The following FLNA variants were observed in gnomAD, a reference collection of about 807,000 sequenced individuals.
FLNA encodes filamin-A.
FLNA carries 7 observed loss-of-function variants against 157.6 expected under a neutral mutation model. The ratio of observed to expected loss-of-function variants is 0.04; its 90% CI spans 0.03 to 0.08. The LOEUF is 0.08. Among genes scored for constraint, FLNA ranks in the 10% least tolerant of loss-of-function variants. The probability of loss-of-function intolerance (pLI) is 1.00; values close to 1 mark genes in which losing one functional copy is unlikely to be tolerated. For missense variants in FLNA, 1,750 were observed against 2,398.4 expected (o/e 0.73, Z 5.65); for synonymous variants, 1,103 against 1,060.8 (o/e 1.04, Z -0.77).
At position 154,350,041 on chromosome X, in the gene FLNA, G is replaced by T; in HGVS notation, c.7323C>A (p.Gly2441=). ...CACCGACAGACTTACCTGTGACACC[G>T]CCTTCCAGACCTGCTCCGTAAGCAG... ...LVSAYGAGLE[G]GVTGNPAEFV... is the part of the protein sequence containing the mutation. Residue 2441 remains glycine, a synonymous_variant, in exon 45 of 48, where the codon GGC becomes GGA. Transcript: ENST00000369850. The T allele has an allele frequency of 9.1e-6, 11 of 1,211,211 alleles. No individual in the cohort carries two copies. The highest frequency in any genetic ancestry group is 1.2e-5 in the Non-Finnish European group (11 of 895,103).
Position 154,360,145 on chromosome X carries a change from T to C in FLNA, c.3650A>G (p.His1217Arg), listed in dbSNP as rs782148392. The C allele has an allele frequency of 6.6e-6, 8 of 1,208,373 alleles. No homozygotes were observed. The highest frequency in any genetic ancestry group is 6.7e-6 in the Non-Finnish European group (6 of 893,668). The change falls in exon 22 of 48, where the codon CAC becomes CGC. Residue 1217 changes from histidine (H) to arginine (R), a missense_variant. Coordinates refer to ENST00000369850, the MANE Select transcript of FLNA (RefSeq NM_001110556.2). Reference sequence around the variant, plus strand: ...GCAGAGGGGAATGTAGGTAATGGTGTGCGTGCCATCACCGTGGTCCTGGAT... The same window carrying C: ...GCAGAGGGGAATGTAGGTAATGGTGCGCGTGCCATCACCGTGGTCCTGGAT... Reference protein sequence around the residue: ...VYIQDHGDGTHTITYIPLCPG... With the variant: ...VYIQDHGDGTRTITYIPLCPG...
intron 17 of FLNA, 38 bp downstream of exon 17, chrX:154,362,380 C>T (rs782081492): frequency 2.5e-6 from 3 of 1,207,833 alleles, no homozygotes; most frequent in East Asian, 3.0e-5. Flanking sequence ...AGACGTCATC[C>T]GCAATGACAT....
At position 154,350,058 on chromosome X, in the gene FLNA, C is replaced by T; in HGVS notation, c.7306G>A (p.Gly2436Arg). The T allele has an allele frequency of 8.3e-7, 1 of 1,211,905 alleles. No individual in the cohort carries two copies. The highest frequency in any genetic ancestry group is 1.1e-6 in the Non-Finnish European group (1 of 895,519). Residue 2436 changes from glycine to arginine, a missense_variant, in exon 45 of 48, where the codon GGA becomes AGA. Coordinates refer to ENST00000369850, the MANE Select transcript of FLNA (RefSeq NM_001110556.2). ...GTGACACCGCCTTCCAGACCTGCTCCGTAAGCAGACACCAAGCCTGGGTCC... is the reference window on the plus strand; with the variant it reads ...GTGACACCGCCTTCCAGACCTGCTCTGTAAGCAGACACCAAGCCTGGGTCC... ...GGDPGLVSAY[G>R]AGLEGGVTGN...
chrX:154,364,303 C>A lies in FLNA; in HGVS notation c.2092G>T (p.Asp698Tyr), dbSNP rs2067738279. 8.3e-7 allele frequency: 1 copy of A among 1,211,421 alleles called. No individual in the cohort carries two copies. The highest frequency in any genetic ancestry group is 3.0e-5 in the East Asian group (1 of 33,839). ...GGGGCCTTGCCACCGTGCTTGGCATCCACTGTGAACTCTGCTGGCTTGTTG... is the reference window on the plus strand; with the variant it reads ...GGGGCCTTGCCACCGTGCTTGGCATACACTGTGAACTCTGCTGGCTTGTTG... Reference protein sequence around the residue: ...AVNKPAEFTVDAKHGGKAPLR... With the variant: ...AVNKPAEFTVYAKHGGKAPLR... The change falls in exon 14 of 48, where the codon GAT (aspartate) becomes TAT (tyrosine). Residue 698 changes from aspartate (D) to tyrosine (Y), a missense_variant. Asp to Tyr is a radical substitution (Grantham distance 160). Transcript: ENST00000369850.
intron 43 of FLNA, 67 bp from the exon 44 acceptor site, chrX:154,351,108 C>G: frequency 8.6e-7 from 1 of 1,160,103 alleles, no homozygotes; most frequent in Non-Finnish European, 1.2e-6. Context: ...CGGAAAGGCC[C>G]CAGGAGCAAG....
intron 30 of FLNA, 26 bp from the exon 31 acceptor site, chrX:154,355,098 A>AG: frequency 8.4e-7 from 1 of 1,191,492 alleles, no homozygotes; most frequent in Non-Finnish European, 1.1e-6. Flanking sequence ...GGGTCCCCAA[A>AG]GGGGGGCCAG....
Position 154,371,343 on chromosome X carries a change from G to A in FLNA, c.-98C>T. On this transcript the variant is annotated 5_prime_UTR_variant, in exon 2 of 48. Coordinates refer to ENST00000369850, the MANE Select transcript of FLNA (RefSeq NM_001110556.2). The stretch of plus-strand genomic sequence containing the variant: ...GGCACCTAGGCGCGCGGGAGGCGAG[G>A]CAGGGAGCAGAGGTTGCGCTGCGGA... 1.9e-6 allele frequency: 2 copies of A among 1,058,618 alleles called. No homozygotes were observed. Among genetic ancestry groups the A allele is most frequent in the Non-Finnish European group, 1.3e-6 (1 of 786,356 alleles). 87.2% of individuals were successfully genotyped at this position (1,058,618 alleles called of 1,213,427 possible). A position where few individuals can be genotyped will look rare whatever the true frequency, so the allele number is the denominator to read the frequency against.
Position 154,359,802 on chromosome X carries a change from G to A in FLNA, c.3909C>T (p.Asn1303=), listed in dbSNP as rs1060504018. The A allele has an allele frequency of 1.7e-6, 2 of 1,211,067 alleles. No homozygotes were observed. Among genetic ancestry groups the A allele is most frequent in the African/African-American group, 3.5e-5 (2 of 57,856 alleles). Reference sequence around the variant, plus strand: ...GGTCCTGAACGTAGGTCTCCGTCAGGTTGCCTGAGGGGTTGGCCACACGGG... The same window carrying A: ...GGTCCTGAACGTAGGTCTCCGTCAGATTGCCTGAGGGGTTGGCCACACGGG... The part of the protein sequence containing the change: ...VKARVANPSG[N]LTETYVQDRG... The change falls in exon 23 of 48, where the codon AAC becomes AAT. Residue 1303 remains asparagine, a synonymous_variant. Coordinates refer to ENST00000369850, the MANE Select transcript of FLNA (RefSeq NM_001110556.2).
At chrX:154,351,863 C>A (rs782753477) in intron 42 of FLNA, 21 bp downstream of exon 42, 2 of 1,210,513 alleles carry the variant, frequency 1.7e-6, no homozygotes, top group East Asian at 3.0e-5. Context: ...CCTCCTCCAA[C>A]CCCAGCCGGG....
chrX:154,358,127 C>T (rs2067676520), intron 28 of FLNA, 72 bp downstream of exon 28: 2 of 1,115,893 alleles, frequency 1.8e-6, no homozygotes, highest in South Asian at 1.8e-5. Context: ...GGAGATCAGA[C>T]ACCAGCCACC....
chrX:154,357,347 C>T, intron 29 of FLNA, 73 bp from the exon 30 acceptor site: 4 of 1,190,567 alleles, frequency 3.4e-6, no homozygotes, highest in Non-Finnish European at 4.6e-6. Flanking sequence ...CACTCCCACA[C>T]GCCGCCCCAA....
In FLNA at chrX:154,368,083, C is replaced by T; in HGVS notation, c.381G>A (p.Lys127=). The T allele has an allele frequency of 8.3e-7, 1 of 1,210,947 alleles. No homozygotes were observed. The highest frequency in any genetic ancestry group is 1.1e-6 in the Non-Finnish European group (1 of 895,233). ...GCTTCAGGTTCCCGTCCACGATGGC[C>T]TTGCTGTCTGTGAGTAGAAGAGTGG... The part of the protein sequence containing the change: ...ESIKLVSIDS[K]AIVDGNLKLI... The change falls in exon 3 of 48, where the codon AAG becomes AAA. Residue 127 remains lysine, a synonymous_variant. Transcript: ENST00000369850.
intron 2 of FLNA, 23 bp from the exon 3 acceptor site, chrX:154,368,113 G>C: frequency 1.7e-6 from 2 of 1,210,389 alleles, no homozygotes; most frequent in Non-Finnish European, 2.2e-6. Flanking sequence ...GAGTGGCCAC[G>C]CTGGGCACAC....
intron 33 of FLNA, 26 bp downstream of exon 33, chrX:154,354,355 G>T: frequency 4.1e-6 from 5 of 1,210,898 alleles, no homozygotes; most frequent in Non-Finnish European, 5.6e-6. Flanking sequence ...CTTGGCTCCC[G>T]AGCTCCTTCC....
In FLNA at chrX:154,374,540, C is replaced by T. The variant is rs1220599380; in HGVS notation, c.-151G>A. 8.9e-6 allele frequency: 1 copy of T among 112,186 alleles called. No homozygotes were observed. Among genetic ancestry groups the T allele is most frequent in the Non-Finnish European group, 1.9e-5 (1 of 52,756 alleles). The allele number at this position is 112,186 out of a possible 1,213,427, so 9.2% of individuals were successfully genotyped here. A position where few individuals can be genotyped will look rare whatever the true frequency, so the allele number is the denominator to read the frequency against. On this transcript the variant is annotated 5_prime_UTR_variant, in exon 1 of 48. Transcript: ENST00000369850. ...CTGAGAGCGACCGGTGACCGATGAC[C>T]GCGGGGTGGCGCCCGGATCGCCTTC...
Position 154,354,689 on chromosome X carries a change from G to A in FLNA, c.5240C>T (p.Ser1747Leu), listed in dbSNP as rs1557176526. The A allele has an allele frequency of 5.0e-6, 6 of 1,207,597 alleles. No homozygotes were observed. Among genetic ancestry groups the A allele is most frequent in the African/African-American group, 1.7e-5 (1 of 57,945 alleles). ...QVTALAGDQP[S>L]VQPPLRSQQL... Reference sequence around the variant, plus strand: ...CTGAGACCGTAGAGGGGGCTGCACCGAGGGCTGGTCCCCAGCCAGAGCCTG... The same window carrying A: ...CTGAGACCGTAGAGGGGGCTGCACCAAGGGCTGGTCCCCAGCCAGAGCCTG... The change falls in exon 32 of 48, where the codon TCG becomes TTG. Residue 1747 changes from serine (S) to leucine (L), a missense_variant. Ser to Leu is a moderately radical substitution (Grantham distance 145). This residue lies in a region of FLNA where 970 missense variants were observed against 1,302.6 expected (regional missense o/e 0.74). Coordinates refer to ENST00000369850, the MANE Select transcript of FLNA (RefSeq NM_001110556.2).
intron 15 of FLNA, among the ~76,000 whole-genome samples, chrX:154,363,072 G>A (rs1276479383): frequency 8.9e-6 from 1 of 112,615 alleles, no homozygotes; most frequent in African/African-American, 3.2e-5. Flanking sequence ...CAAGTGAACG[G>A]AAAAATGGAA....
intron 30 of FLNA, 32 bp from the exon 31 acceptor site, chrX:154,355,104 G>A (rs782381461): frequency 2.5e-6 from 3 of 1,187,884 alleles, no homozygotes; most frequent in East Asian, 3.0e-5. Flanking sequence ...CCAAAGGGGG[G>A]CCAGCGTGTG....
rs782262202 is a variant in FLNA at position 154,365,462 on chromosome X, G to A, written c.1454C>T (p.Ala485Val). 10 of 1,211,361 alleles carry A rather than the reference G, an allele frequency of 8.3e-6. No individual in the cohort carries two copies. Among genetic ancestry groups the A allele is most frequent in the Middle Eastern group, 4.6e-4 (2 of 4,350 alleles). ...GQACNPSACR[A>V]VGRGLQPKGV... is the part of the protein sequence containing the mutation. ...CTTGGGCTGGAGGCCCCGGCCAACC[G>A]CCCGGCAGGCACTCGGGTTACAGGC... Residue 485 changes from alanine to valine, a missense_variant, in exon 10 of 48, where the codon GCG (alanine) becomes GTG (valine). Transcript: ENST00000369850.
Sources: gnomAD v4.1 joint callset for allele counts (sites outside exome capture counted in the v4.1 genomes callset) on GRCh38, gnomAD v4.1.1 for gene constraint, gnomAD v4.1.1 regional missense constraint, MANE v1.5 for transcripts, NCBI Gene and HGNC (gene_info 2026-07-23, HGNC 2026-07-21) for gene names.